Variants in ZNF331 observed in about 807,000 individuals in gnomAD.
ZNF331 encodes zinc finger protein 331, also known as C2H2-like zinc finger protein rearranged in thyroid adenomas.
ZNF331 carries 2 observed loss-of-function variants against 7.0 expected under a neutral mutation model. The observed-to-expected ratio is 0.29, with a 90% CI of 0.12 to 0.90. The LOEUF is 0.90. Ranked by LOEUF, ZNF331 falls within the 40% of genes least tolerant of loss-of-function variation. ZNF331 has a pLI of 0.58. For synonymous variants in ZNF331, 196 were observed against 205.4 expected, an observed-to-expected ratio of 0.95 and a Z score of 0.39; for missense variants, 432 against 587.7, an observed-to-expected ratio of 0.74 and a Z score of 2.74.
At position 53,569,975 on chromosome 19, in the gene ZNF331, G is replaced by T. The variant is rs183864187; in HGVS notation, c.9+590G>T. Among the ~76,000 whole-genome samples, 672 of 152,204 alleles carry T rather than the reference G, an allele frequency of 4.4e-3. 5 individuals are homozygous for T. The highest frequency in any genetic ancestry group is 0.015 in the African/African-American group (639 of 41,542). On this transcript the variant is annotated intron_variant, in intron 4 of 5. Transcript: ENST00000449416. Reference sequence around the variant, plus strand: ...TTATCCTCTAAATCAGAAACAGGGGGCCGGGTGTGGTGGCTCACACCTGTA... The same window carrying T: ...TTATCCTCTAAATCAGAAACAGGGGTCCGGGTGTGGTGGCTCACACCTGTA...
At chr19:53,568,413 G>T (rs2090268104) in intron 3 of ZNF331, among the ~76,000 whole-genome samples, 1 of 152,114 alleles carries the variant, frequency 6.6e-6, no homozygotes, top group African/African-American at 2.4e-5. Context: ...TCTGATGTTG[G>T]AAGTTTTTAT....
chr19:53,552,112 G>T (rs1193327353), intron 2 of ZNF331, among the ~76,000 whole-genome samples: 1 of 152,110 alleles, frequency 6.6e-6, no homozygotes, highest in African/African-American at 2.4e-5. Flanking sequence ...AATTGAGTAC[G>T]ATGACAATTA....
chr19:53,556,221 C>CAG (rs2089412468), intron 3 of ZNF331, among the ~76,000 whole-genome samples: 1 of 120,266 alleles, frequency 8.3e-6, no homozygotes, highest in South Asian at 2.6e-4. Flanking sequence ...CCAGCCTGGG[C>CAG]AACACAGCGA....
chr19:53,574,737 C>T (rs778251962), intron 5 of ZNF331, among the ~76,000 whole-genome samples: 2 of 152,166 alleles, frequency 1.3e-5, no homozygotes, highest in African/African-American at 2.4e-5. Context: ...CAGTCATTGG[C>T]ACTGCTTACA....
chr19:53,515,442 T>TGC (rs1555746158), upstream of ZNF331, among the ~76,000 whole-genome samples: 5 of 151,904 alleles, frequency 3.3e-5, no homozygotes, highest in Non-Finnish European at 5.9e-5. Context: ...CATTTTAACA[T>TGC]GGGCATTTCT....
At chr19:53,541,101 ATTTC>A (rs914166420) in intron 2 of ZNF331, among the ~76,000 whole-genome samples, 6 of 111,190 alleles carry the variant, frequency 5.4e-5, no homozygotes, top group Non-Finnish European at 1.1e-4. Context: ...CAATAATCAT[ATTTC>A]TTTTCTTTTT....
Position 53,578,517 on chromosome 19 carries a change from C to A in ZNF331, c.*565C>A. ...TACAATTGTTCTATTTTGTTAGTTA[C>A]TGTTGGTAATCTCTTACTGTGCCTA... On this transcript the variant is annotated 3_prime_UTR_variant, in exon 6 of 6. Transcript: ENST00000449416. 1 of 220,832 alleles carries A rather than the reference C, an allele frequency of 4.5e-6. No homozygotes were observed. Among genetic ancestry groups the A allele is most frequent in the Non-Finnish European group, 9.0e-6 (1 of 110,546 alleles). The allele number at this position is 220,832 out of a possible 1,614,324, so 13.7% of individuals were successfully genotyped here.
At chr19:53,570,052 TCAAAAC>T (rs1423670196) in intron 4 of ZNF331, among the ~76,000 whole-genome samples, 2 of 152,056 alleles carry the variant, frequency 1.3e-5, no homozygotes, top group African/African-American at 4.8e-5. Context: ...GGTCAGGAGT[TCAAAAC>T]CAACCTGACC....
At chr19:53,569,194 G>T (rs373292558) in intron 3 of ZNF331, 110 bp from the exon 4 acceptor site, 2 of 608,822 alleles carry the variant, frequency 3.3e-6, no homozygotes, top group East Asian at 2.8e-5. Context: ...GATATGTCAC[G>T]GTTATGTGTT....
chr19:53,523,011 TGTA>T (rs1170660230), intron 2 of ZNF331, among the ~76,000 whole-genome samples: 8 of 152,318 alleles, frequency 5.3e-5, no homozygotes, highest in South Asian at 2.1e-4. Context: ...TTTTTATTAT[TGTA>T]GTTATTTTTT....
At chr19:53,525,462 G>A (rs970719570) in intron 2 of ZNF331, among the ~76,000 whole-genome samples, 1 of 152,040 alleles carries the variant, frequency 6.6e-6, no homozygotes, top group Non-Finnish European at 1.5e-5. Context: ...TCCTTGAAGA[G>A]GTCCTTCACA....
At chr19:53,513,643 C>CT in the ZNF331 span, among the ~76,000 whole-genome samples, 1 of 151,872 alleles carries the variant, frequency 6.6e-6, no homozygotes, top group African/African-American at 2.4e-5. Flanking sequence ...AGGCCCTTTA[C>CT]TTTTTTTCGT....
chr19:53,562,487 C>T (rs34968999), intron 3 of ZNF331, among the ~76,000 whole-genome samples: 37,303 of 151,912 alleles, frequency 0.25, 4,769 homozygotes, highest in Middle Eastern at 0.3. Context: ...GTCAGGAGTT[C>T]GAGACCAGCC....
In ZNF331 at chr19:53,569,332, A is replaced by G. The variant is rs750984929; in HGVS notation, c.-45A>G. The G allele has an allele frequency of 2.5e-6, 4 of 1,610,982 alleles. No individual in the cohort carries two copies. Among genetic ancestry groups the G allele is most frequent in the East Asian group, 4.5e-5 (2 of 44,862 alleles). On this transcript the variant is annotated 5_prime_UTR_variant, in exon 4 of 6. Coordinates refer to ENST00000449416, the MANE Select transcript of ZNF331 (RefSeq NM_001079906.2). ...TAGCCTCTCGGAATTTGTCTTCTTC[A>G]GTGGAAACCCCGAGAAGACTGATCA...
At chr19:53,567,736 G>A (rs530146445) in intron 3 of ZNF331, among the ~76,000 whole-genome samples, 31 of 151,922 alleles carry the variant, frequency 2.0e-4, no homozygotes, top group Non-Finnish European at 2.9e-4. Flanking sequence ...CCACCTACTC[G>A]GGAGGCTGAG....
upstream of ZNF331, among the ~76,000 whole-genome samples, chr19:53,518,061 A>T (rs1374907473): frequency 6.6e-6 from 1 of 152,164 alleles, no homozygotes; most frequent in Non-Finnish European, 1.5e-5. Context: ...CTGATGTTTG[A>T]GTCAGTGGAT....
chr19:53,572,612 T>C (rs867824736), intron 5 of ZNF331, among the ~76,000 whole-genome samples: 1 of 60,312 alleles, frequency 1.7e-5, no homozygotes, highest in African/African-American at 9.6e-5. Flanking sequence ...ACATATATAT[T>C]ATATATACAC....
At chr19:53,523,588 A>C (rs937370451) in intron 2 of ZNF331, 1 of 151,838 alleles carries the variant, frequency 6.6e-6, no homozygotes, top group African/African-American at 2.4e-5. Context: ...TATATCGTGA[A>C]TATTAACTGC....
intron 2 of ZNF331, among the ~76,000 whole-genome samples, chr19:53,545,682 C>T (rs747941380): frequency 3.3e-5 from 5 of 152,220 alleles, no homozygotes; most frequent in Admixed American, 6.5e-5. Context: ...GCTTCCTCTG[C>T]CTTCACCTTC....
Sources: allele counts gnomAD v4.1 joint callset (sites outside exome capture counted in the v4.1 genomes callset), GRCh38; gene constraint gnomAD v4.1.1; transcripts MANE v1.5; gene names NCBI Gene and HGNC (gene_info 2026-07-23, HGNC 2026-07-21).